Variants in HCK observed in about 807,000 individuals in gnomAD.
HCK encodes HCK proto-oncogene, Src family tyrosine kinase.
In HCK, 40 loss-of-function variants were observed where a neutral mutation model predicts 70.4. That is an observed-to-expected ratio of 0.57 (90% CI 0.44 to 0.74). The LOEUF is 0.74. HCK is among the 30% of genes least tolerant of loss of function. HCK has a pLI of 0.00. For synonymous variants in HCK, 245 were observed against 263.2 expected, an observed-to-expected ratio of 0.93 and a Z score of 0.67; for missense variants, 568 against 697.2, an observed-to-expected ratio of 0.81 and a Z score of 2.09.
chr20:32,064,359 G>A (rs529820198), intron 1 of HCK, among the ~76,000 whole-genome samples: 24 of 152,286 alleles, frequency 1.6e-4, no homozygotes, highest in African/African-American at 5.8e-4. Context: ...CACCTCTACA[G>A]CCAGGGGTTG....
chr20:32,090,009 G>T (rs960591901), intron 10 of HCK, among the ~76,000 whole-genome samples: 1 of 152,190 alleles, frequency 6.6e-6, no homozygotes, highest in African/African-American at 2.4e-5. Context: ...AGATGCCAAG[G>T]GCAGGGCTCA....
At chr20:32,071,906 C>A in intron 2 of HCK, 124 bp downstream of exon 2, 1 of 1,198,656 alleles carries the variant, frequency 8.3e-7, no homozygotes, top group Non-Finnish European at 1.2e-6. Flanking sequence ...GCTGACTGGC[C>A]ACCAACAGTG....
chr20:32,099,167 C>T, intron 12 of HCK, 32 bp downstream of exon 12: 2 of 1,607,450 alleles, frequency 1.2e-6, no homozygotes, highest in Non-Finnish European at 1.7e-6. Flanking sequence ...AGGGCTGCTA[C>T]CAGGGCCCAG....
intron 8 of HCK, among the ~76,000 whole-genome samples, chr20:32,085,609 T>C (rs1033733617): frequency 7.2e-5 from 11 of 152,008 alleles, no homozygotes; most frequent in African/African-American, 2.4e-4. Flanking sequence ...AAGCCAAAAA[T>C]ATCATATAAG....
intron 1 of HCK, among the ~76,000 whole-genome samples, chr20:32,053,789 G>A (rs556909984): frequency 3.3e-5 from 5 of 152,202 alleles, no homozygotes; most frequent in Admixed American, 3.3e-4. Flanking sequence ...CACCTGGACT[G>A]CTTGTGAAAA....
chr20:32,097,851 C>A (rs1342887118), intron 11 of HCK, among the ~76,000 whole-genome samples: 1 of 151,946 alleles, frequency 6.6e-6, no homozygotes, highest in Non-Finnish European at 1.5e-5. Flanking sequence ...TGTTCACCAA[C>A]CATGATATAA....
intron 10 of HCK, 42 bp downstream of exon 10, chr20:32,088,686 C>A (rs764256093): frequency 2.6e-6 from 4 of 1,522,344 alleles, no homozygotes; most frequent in South Asian, 2.3e-5. Flanking sequence ...AACAGGAATT[C>A]GATTTTTTTA....
In HCK at chr20:32,083,988, C is replaced by T. The variant is rs531123464; in HGVS notation, c.627C>T (p.Tyr209=). 4.4e-5 allele frequency: 71 copies of T among 1,614,058 alleles called. 1 individual carries two copies. The South Asian group carries it at 7.7e-4, about 17-fold the overall frequency. ...GGACCCTGGACAACGGGGGCTTCTACATATCCCCCCGAAGCACCTTCAGCA... is the reference window on the plus strand; with the variant it reads ...GGACCCTGGACAACGGGGGCTTCTATATATCCCCCCGAAGCACCTTCAGCA... Residue 209 remains tyrosine (Y), a synonymous_variant, in exon 7 of 13, where the codon TAC becomes TAT. Transcript: ENST00000375852.
intron 1 of HCK, among the ~76,000 whole-genome samples, chr20:32,058,605 A>AAAACAC (rs148271123): frequency 4.9e-5 from 7 of 142,334 alleles, no homozygotes; most frequent in Admixed American, 7.1e-5. Context: ...TTTATGTCAA[A>AAAACAC]ACACACACAC....
At position 32,101,431 on chromosome 20, in the gene HCK, C is replaced by T. The variant is rs752568964; in HGVS notation, c.1493C>T (p.Pro498Leu). The T allele has an allele frequency of 5.0e-6, 8 of 1,614,174 alleles. No homozygotes were observed. Among genetic ancestry groups the T allele is most frequent in the South Asian group, 2.2e-5 (2 of 91,074 alleles). ...ATGATGCGCTGCTGGAAAAACCGTC[C>T]GGAGGAGCGGCCGACCTTCGAATAC... The change falls in exon 13 of 13, where the codon CCG becomes CTG. Residue 498 changes from proline to leucine, a missense_variant. Pro to Leu is a moderately conservative substitution (Grantham distance 98, BLOSUM62 -3). Transcript: ENST00000375852.
intron 11 of HCK, among the ~76,000 whole-genome samples, chr20:32,094,750 A>AG (rs1491300285): frequency 1.5e-5 from 2 of 134,410 alleles, no homozygotes; most frequent in African/African-American, 2.8e-5. Flanking sequence ...AGAAAGAAAG[A>AG]AAGAAAGAAA....
intron 11 of HCK, among the ~76,000 whole-genome samples, chr20:32,096,520 AAG>A (rs1300098543): frequency 6.9e-6 from 1 of 145,490 alleles, no homozygotes; most frequent in African/African-American, 2.6e-5. Flanking sequence ...AAAAAAAAAA[AAG>A]ATAGGTGCTT....
At chr20:32,057,966 G>T (rs915172563) in intron 1 of HCK, among the ~76,000 whole-genome samples, 1 of 152,146 alleles carries the variant, frequency 6.6e-6, no homozygotes, top group Non-Finnish European at 1.5e-5. Flanking sequence ...GCATCCTCTG[G>T]ATGGCACTGC....
chr20:32,089,729 G>T (rs745663743), intron 10 of HCK, among the ~76,000 whole-genome samples: 1 of 152,238 alleles, frequency 6.6e-6, no homozygotes, highest in Non-Finnish European at 1.5e-5. Flanking sequence ...GGAAAACAGA[G>T]TGTAAGGACG....
At position 32,071,764 on chromosome 20, in the gene HCK, C is replaced by T; in HGVS notation, c.165C>T (p.Pro55=). The T allele has an allele frequency of 6.2e-7, 1 of 1,613,936 alleles. No homozygotes were observed. The highest frequency in any genetic ancestry group is 1.3e-5 in the African/African-American group (1 of 75,030). Residue 55 remains proline (P), a synonymous_variant, in exon 2 of 13, where the codon CCC becomes CCT. Coordinates refer to ENST00000375852, the MANE Select transcript of HCK (RefSeq NM_002110.5). Reference sequence around the variant, plus strand: ...ACTGTCCTGTGTACGTGCCGGATCCCACATCCACCATCAAGCCGGTGAGTA... The same window carrying T: ...ACTGTCCTGTGTACGTGCCGGATCCTACATCCACCATCAAGCCGGTGAGTA...
At chr20:32,055,037 G>T (rs1039182078) in intron 1 of HCK, among the ~76,000 whole-genome samples, 1 of 152,166 alleles carries the variant, frequency 6.6e-6, no homozygotes, top group Admixed American at 6.5e-5. Context: ...TACTCAAGTT[G>T]TTCCTAGGCG....
chr20:32,063,047 T>G (rs1370910043), intron 1 of HCK, among the ~76,000 whole-genome samples: 1 of 152,084 alleles, frequency 6.6e-6, no homozygotes, highest in African/African-American at 2.4e-5. Flanking sequence ...CTGACCTCAG[T>G]GGATGATGAC....
rs149822623 is a variant in HCK at position 32,073,591 on chromosome 20, C to T, written c.227-125C>T. 7.2e-3 allele frequency: 4,957 copies of T among 685,392 alleles called. 34 individuals carry two copies. The highest frequency in any genetic ancestry group is 0.044 in the Middle Eastern group (144 of 3,238). 42.5% of individuals were successfully genotyped at this position (685,392 alleles called of 1,614,324 possible). A position where few individuals can be genotyped will look rare whatever the true frequency, so the allele number is the denominator to read the frequency against. On this transcript the variant is annotated intron_variant, in intron 3 of 12. Coordinates refer to ENST00000375852, the MANE Select transcript of HCK (RefSeq NM_002110.5). ...GAGAATCACACCCAGCATGGTGAGACGCCTACTTATACTTGGAACCACATA... is the reference window on the plus strand; with the variant it reads ...GAGAATCACACCCAGCATGGTGAGATGCCTACTTATACTTGGAACCACATA...
chr20:32,089,744 G>A (rs2045839093), intron 10 of HCK, among the ~76,000 whole-genome samples: 1 of 152,216 alleles, frequency 6.6e-6, no homozygotes, highest in African/African-American at 2.4e-5. Flanking sequence ...AGGACGGGGT[G>A]GTATTAGAGT....
Sources: allele counts gnomAD v4.1 joint callset (sites outside exome capture counted in the v4.1 genomes callset), GRCh38; gene constraint gnomAD v4.1.1; transcripts MANE v1.5; gene names NCBI Gene and HGNC (gene_info 2026-07-23, HGNC 2026-07-21).